Variants in FAM186B observed in about 807,000 individuals in gnomAD.
FAM186B encodes the protein protein FAM186B.
A neutral mutation model predicts 83.4 loss-of-function variants in FAM186B; 68 were observed. That is an observed-to-expected ratio of 0.81 (90% CI 0.67 to 1.00). FAM186B has a LOEUF of 1.00. Ranked by LOEUF, FAM186B falls within the 50% of genes least tolerant of loss-of-function variation. FAM186B has a pLI of 0.00. For missense variants in FAM186B, 983 were observed against 1,099.2 expected (o/e 0.89, Z 1.49); for synonymous variants, 389 against 422.0 (o/e 0.92, Z 0.96).
intron 5 of FAM186B, among the ~76,000 whole-genome samples, chr12:49,593,537 G>A (rs1939636419): frequency 6.6e-6 from 1 of 151,116 alleles, no homozygotes; most frequent in South Asian, 2.1e-4. Flanking sequence ...GGGAGGCTGA[G>A]GCACAAGAAT....
chr12:49,620,203 CTG>C, the FAM186B span, among the ~76,000 whole-genome samples: 1 of 152,148 alleles, frequency 6.6e-6, no homozygotes, highest in Non-Finnish European at 1.5e-5. Context: ...CCTTCTTAAA[CTG>C]TTAGGATAAA....
At chr12:49,613,526 C>CAA in the FAM186B span, among the ~76,000 whole-genome samples, 5 of 102,780 alleles carry the variant, frequency 4.9e-5, no homozygotes, top group Non-Finnish European at 8.2e-5. Context: ...GACTCCATCT[C>CAA]AAAAAAAAAA....
downstream of FAM186B, among the ~76,000 whole-genome samples, chr12:49,584,876 T>C (rs1255880416): frequency 6.6e-6 from 1 of 152,126 alleles, no homozygotes. Flanking sequence ...CACCCATCCA[T>C]GTTTCCTCAG....
chr12:49,600,331 A>C lies in FAM186B; in HGVS notation c.1309T>G (p.Leu437Val). Residue 437 changes from leucine (L) to valine (V), a missense_variant, in exon 4 of 7, where the codon TTA becomes GTA. Transcript: ENST00000257894. The surrounding 1 kb of genome is among the most constrained non-coding windows in gnomAD (Gnocchi z 4.3). ...TCCTGGTCTTTGTCTTTGTGGCCTA[A>C]GCTTTCTGCCACCGGTCTTTCCCAT... The part of the protein sequence containing the change: ...KKWERPVAES[L>V]GHKDKDQEDY... 1 of 1,614,108 alleles carries C rather than the reference A, an allele frequency of 6.2e-7. No individual in the cohort carries two copies. The highest frequency in any genetic ancestry group is 2.2e-5 in the East Asian group (1 of 44,876).
At chr12:49,589,383 C>G (rs145100613) in intron 5 of FAM186B, among the ~76,000 whole-genome samples, 229 of 152,346 alleles carry the variant, frequency 1.5e-3, no homozygotes, top group African/African-American at 5.4e-3. Flanking sequence ...TCCTGGCAGC[C>G]TGAGCCTCAG....
At chr12:49,621,002 T>C in the FAM186B span, among the ~76,000 whole-genome samples, 1 of 152,180 alleles carries the variant, frequency 6.6e-6, no homozygotes, top group Non-Finnish European at 1.5e-5. Context: ...TAACATGGTA[T>C]ATGTATTGTT....
At chr12:49,584,559 G>C (rs1200249321), downstream of FAM186B, 1 of 702,348 alleles carries the variant, frequency 1.4e-6, no homozygotes, top group East Asian at 2.7e-5. Flanking sequence ...TTTTGAACAA[G>C]CTAAGCGGAT....
chr12:49,612,783 T>C, the FAM186B span, among the ~76,000 whole-genome samples: 1 of 152,148 alleles, frequency 6.6e-6, no homozygotes, highest in Non-Finnish European at 1.5e-5. Context: ...CATAATAATA[T>C]TGGGAGACTT....
rs746387916 is a variant in FAM186B at position 49,588,452 on chromosome 12, A to C, written c.2534+2T>G. On this transcript the variant is annotated splice_donor_variant, in intron 6 of 6. Transcript: ENST00000257894. LOFTEE classifies it high-confidence loss of function. ...CTGCCCCCTCAGCTTCCCAGAACCT[A>C]CCGGGCCATCTGCAGGGGCACACAT... 8 of 1,610,110 alleles carry C rather than the reference A, an allele frequency of 5.0e-6. No individual in the cohort carries two copies. The highest frequency in any genetic ancestry group is 1.1e-5 in the South Asian group (1 of 90,624).
chr12:49,611,844 C>T, the FAM186B span, among the ~76,000 whole-genome samples: 2 of 144,794 alleles, frequency 1.4e-5, no homozygotes, highest in African/African-American at 5.2e-5. Context: ...GACGAAAGAG[C>T]GAAACTCCAT....
At chr12:49,598,675 GTTCAT>G in intron 5 of FAM186B, 75 bp downstream of exon 5, 1 of 1,316,524 alleles carries the variant, frequency 7.6e-7, no homozygotes, top group Non-Finnish European at 1.0e-6. Context: ...ATCCCCACGG[GTTCAT>G]TTCAGGCCCC....
chr12:49,586,501 A>G (rs896321392), downstream of FAM186B, among the ~76,000 whole-genome samples: 5 of 152,142 alleles, frequency 3.3e-5, no homozygotes, highest in Non-Finnish European at 7.3e-5. Flanking sequence ...CTTGCCCGAG[A>G]CTCAGAAGCT....
chr12:49,618,417 T>A, the FAM186B span, among the ~76,000 whole-genome samples: 3 of 150,196 alleles, frequency 2.0e-5, no homozygotes, highest in Non-Finnish European at 3.0e-5. Flanking sequence ...ATGCTTCCAG[T>A]CAGCTTTTAG....
the FAM186B span, among the ~76,000 whole-genome samples, chr12:49,620,383 A>T: frequency 6.6e-6 from 1 of 152,110 alleles, no homozygotes; most frequent in Admixed American, 6.5e-5. Context: ...AAAAAAGTGC[A>T]TGGAGGCTGG....
intron 5 of FAM186B, among the ~76,000 whole-genome samples, chr12:49,591,140 C>T (rs922262206): frequency 2.0e-5 from 3 of 152,102 alleles, no homozygotes; most frequent in African/African-American, 7.2e-5. Context: ...GCAGGGAACC[C>T]AAACAGAAGC....
downstream of FAM186B, among the ~76,000 whole-genome samples, chr12:49,586,672 G>A (rs1210694233): frequency 6.6e-6 from 1 of 152,128 alleles, no homozygotes; most frequent in East Asian, 1.9e-4. Flanking sequence ...CATTCTGTTC[G>A]CTGTATCTAA....
the FAM186B span, among the ~76,000 whole-genome samples, chr12:49,622,255 G>C: frequency 1.0e-3 from 148 of 147,164 alleles, 1 homozygote; most frequent in African/African-American, 3.6e-3. Context: ...CGGCGGCTGC[G>C]GGCCGCGCGC....
At chr12:49,612,056 T>G in the FAM186B span, among the ~76,000 whole-genome samples, 1 of 152,094 alleles carries the variant, frequency 6.6e-6, no homozygotes, top group Non-Finnish European at 1.5e-5. Flanking sequence ...AGCTGACAGA[T>G]TCTATAAAGC....
intron 1 of FAM186B, 186 bp downstream of exon 1, chr12:49,605,196 G>A: frequency 1.4e-6 from 2 of 1,419,360 alleles, no homozygotes; most frequent in Non-Finnish European, 1.8e-6. Context: ...GTTGCTTTCA[G>A]CTCACCCTGT....
Sources: allele counts gnomAD v4.1 joint callset (sites outside exome capture counted in the v4.1 genomes callset), GRCh38; gene constraint gnomAD v4.1.1; non-coding constraint Gnocchi (gnomAD v3.1); transcripts MANE v1.5; gene names NCBI Gene and HGNC (gene_info 2026-07-23, HGNC 2026-07-21).